CHD2: variants seen among roughly 807,000 people sequenced by gnomAD.
The protein encoded by CHD2 is ATP-dependent chromatin remodeler CHD2.
A neutral mutation model predicts 243.9 loss-of-function variants in CHD2; 28 were observed. The observed-to-expected ratio is 0.11, with a 90% CI of 0.09 to 0.16. The LOEUF is 0.16. CHD2 is among the 10% of genes least tolerant of loss of function. CHD2 has a pLI of 1.00. For missense variants in CHD2, 1,386 were observed against 2,209.8 expected, an observed-to-expected ratio of 0.63 and a Z score of 7.47; for synonymous variants, 775 against 779.0, an observed-to-expected ratio of 0.99 and a Z score of 0.09.
intron 2 of CHD2, among the ~76,000 whole-genome samples, chr15:92,922,704 C>G (rs1339983793): frequency 6.6e-6 from 1 of 152,128 alleles, no homozygotes; most frequent in Non-Finnish European, 1.5e-5. Context: ...TTCCTTGCCC[C>G]CCTCAGAGCA....
chr15:92,955,879 T>C (rs1351152449), intron 15 of CHD2, among the ~76,000 whole-genome samples: 2 of 152,236 alleles, frequency 1.3e-5, no homozygotes, highest in African/African-American at 4.8e-5. Context: ...CCATCTCAGG[T>C]ATTTCCCTTG....
intron 13 of CHD2, among the ~76,000 whole-genome samples, chr15:92,949,442 G>A (rs2053522058): frequency 6.6e-6 from 1 of 152,136 alleles, no homozygotes; most frequent in African/African-American, 2.4e-5. Context: ...TTTTTCACAT[G>A]TATTTTCTTT....
chr15:92,948,806 T>G (rs1474078363), intron 12 of CHD2, 146 bp from the exon 13 acceptor site: 4 of 844,808 alleles, frequency 4.7e-6, no homozygotes, highest in African/African-American at 1.7e-5. Context: ...GCCACTGCAC[T>G]CCAGCCTGGG....
intron 12 of CHD2, chr15:92,947,083 G>A (rs982386657): frequency 1.1e-4 from 16 of 152,160 alleles, no homozygotes; most frequent in African/African-American, 3.9e-4. Flanking sequence ...TGATGTGCTT[G>A]GGTCCTCAGT....
chr15:92,952,232 A>T (rs1325381509), intron 13 of CHD2, among the ~76,000 whole-genome samples: 1 of 152,078 alleles, frequency 6.6e-6, no homozygotes, highest in African/African-American at 2.4e-5. Context: ...TTTGTAGAGT[A>T]GTGTTTCTCA....
chr15:92,912,115 C>T (rs185999436), intron 2 of CHD2, among the ~76,000 whole-genome samples: 9 of 152,262 alleles, frequency 5.9e-5, no homozygotes, highest in Non-Finnish European at 7.4e-5. Context: ...TTTGGCCACA[C>T]GTTTTGAAGA....
intron 16 of CHD2, 21 bp from the exon 17 acceptor site, chr15:92,967,304 A>G (rs186293640): frequency 2.0e-5 from 31 of 1,565,972 alleles, no homozygotes; most frequent in Non-Finnish European, 2.7e-5. Flanking sequence ...GCTAAATAAC[A>G]CTATACTGTT....
In CHD2 at chr15:93,024,725, A is replaced by G; in HGVS notation, c.*20A>G. On this transcript the variant is annotated 3_prime_UTR_variant, in exon 39 of 39. Transcript: ENST00000394196. Reference sequence around the variant, plus strand: ...ACATAAAGGACAGCTCGTAAAGGAGAGAGTAAGAGTCACCAAACACGTGGA... The same window carrying G: ...ACATAAAGGACAGCTCGTAAAGGAGGGAGTAAGAGTCACCAAACACGTGGA... 1 of 1,572,688 alleles carries G rather than the reference A, an allele frequency of 6.4e-7. No homozygotes were observed. The highest frequency in any genetic ancestry group is 1.2e-5 in the South Asian group (1 of 85,874).
intron 2 of CHD2, among the ~76,000 whole-genome samples, chr15:92,916,402 T>C (rs777281116): frequency 6.6e-6 from 1 of 152,252 alleles, no homozygotes; most frequent in Admixed American, 6.5e-5. Context: ...AGTGTGAATA[T>C]TTCACATTTT....
intron 35 of CHD2, among the ~76,000 whole-genome samples, chr15:93,011,382 T>C (rs1238801899): frequency 6.6e-6 from 1 of 152,196 alleles, no homozygotes; most frequent in Non-Finnish European, 1.5e-5. Context: ...ATACATGAGC[T>C]GAGTCGAATT....
At chr15:92,983,470 G>C (rs780859112) in intron 24 of CHD2, among the ~76,000 whole-genome samples, 7 of 152,050 alleles carry the variant, frequency 4.6e-5, no homozygotes, top group Non-Finnish European at 8.8e-5. Context: ...CTTCACTGTT[G>C]GCTCCAAGGA....
intron 37 of CHD2, among the ~76,000 whole-genome samples, chr15:93,019,419 G>A (rs574707083): frequency 1.3e-5 from 2 of 152,164 alleles, no homozygotes; most frequent in Non-Finnish European, 2.9e-5. Context: ...AGAAGGAGAG[G>A]AGTAGTAAAT....
intron 16 of CHD2, 104 bp from the exon 17 acceptor site, chr15:92,967,221 G>C (rs1483697165): frequency 1.3e-6 from 1 of 794,226 alleles, no homozygotes; most frequent in African/African-American, 1.8e-5. Context: ...TCTAGTGATT[G>C]ATAATGTCTT....
intron 34 of CHD2, among the ~76,000 whole-genome samples, chr15:93,007,884 C>T (rs547563956): frequency 2.6e-5 from 4 of 152,318 alleles, no homozygotes; most frequent in African/African-American, 4.8e-5. Flanking sequence ...CCACCGCTCT[C>T]GAATATCTTT....
intron 13 of CHD2, among the ~76,000 whole-genome samples, chr15:92,952,743 A>C (rs8042395): frequency 0.36 from 55,478 of 152,132 alleles, 11,436 homozygotes; most frequent in East Asian, 0.81. Flanking sequence ...TGGTCTAAGG[A>C]ATACCTGAGT....
rs114232645 is a variant in CHD2 at position 92,930,856 on chromosome 15, C to G, written c.443+1765C>G. Reference sequence around the variant, plus strand: ...TTCTTTTTCATATTGCTTCCCTACCCTAGGGCTGTTCATAGGAACTGCCTT... The same window carrying G: ...TTCTTTTTCATATTGCTTCCCTACCGTAGGGCTGTTCATAGGAACTGCCTT... On this transcript the variant is annotated intron_variant, in intron 5 of 38. Transcript: ENST00000394196. Among the ~76,000 whole-genome samples, 1,018 of 152,286 alleles carry G rather than the reference C, an allele frequency of 6.7e-3. 12 individuals are homozygous for G. The highest frequency in any genetic ancestry group is 0.022 in the African/African-American group (924 of 41,554).
chr15:92,922,592 T>A (rs755075706), intron 2 of CHD2, among the ~76,000 whole-genome samples: 13 of 152,222 alleles, frequency 8.5e-5, no homozygotes, highest in African/African-American at 1.2e-4. Flanking sequence ...ATGGTAAATA[T>A]AGAACTTCCC....
chr15:92,937,421 G>C, intron 5 of CHD2, 97 bp from the exon 6 acceptor site: 1 of 788,246 alleles, frequency 1.3e-6, no homozygotes, highest in East Asian at 2.7e-5. Flanking sequence ...TGCATGTTCT[G>C]CCCTTTGGAT....
Position 93,004,734 on chromosome 15 carries a change from C to G in CHD2, c.4396C>G (p.Gln1466Glu). The G allele has an allele frequency of 6.2e-7, 1 of 1,612,470 alleles. No homozygotes were observed. The highest frequency in any genetic ancestry group is 8.5e-7 in the Non-Finnish European group (1 of 1,179,006). Reference protein sequence around the residue: ...IGEDEDDDLDQETFSICKERM... With the variant: ...IGEDEDDDLDEETFSICKERM... ...AGAGGATGAGGATGATGATCTGGAC[C>G]AGGAGACATTCAGCATAGTAAGTCT... The change falls in exon 34 of 39, where the codon CAG becomes GAG. Residue 1466 changes from glutamine (Q) to glutamate (E), a missense_variant. Around this residue, in one of 19 missense-constraint regions of CHD2, gnomAD observed 22 missense variants for 60.2 expected, o/e 0.37. Coordinates refer to ENST00000394196, the MANE Select transcript of CHD2 (RefSeq NM_001271.4).
Sources: gnomAD v4.1 joint callset for allele counts (sites outside exome capture counted in the v4.1 genomes callset) on GRCh38, gnomAD v4.1.1 for gene constraint, gnomAD v4.1.1 regional missense constraint, MANE v1.5 for transcripts, NCBI Gene and HGNC (gene_info 2026-07-23, HGNC 2026-07-21) for gene names.